DLGAP1: variants seen among roughly 807,000 people sequenced by gnomAD.
The protein encoded by DLGAP1 is disks large-associated protein 1.
A neutral mutation model predicts 90.8 loss-of-function variants in DLGAP1; 11 were observed. The ratio of observed to expected loss-of-function variants is 0.12; its 90% CI spans 0.08 to 0.20. The LOEUF is 0.20. Ranked by LOEUF, DLGAP1 falls within the 10% of genes least tolerant of loss-of-function variation. The probability of loss-of-function intolerance (pLI) is 1.00; values close to 1 mark genes in which losing one functional copy is unlikely to be tolerated. For missense variants in DLGAP1, 1,050 were observed against 1,333.8 expected (o/e 0.79, Z 3.31); for synonymous variants, 558 against 540.7 (o/e 1.03, Z -0.44).
chr18:3,799,637 C>T (rs1365996253), intron 5 of DLGAP1, among the ~76,000 whole-genome samples: 3 of 152,062 alleles, frequency 2.0e-5, no homozygotes, highest in South Asian at 2.1e-4. Context: ...GCTGTCTCCC[C>T]GCAATACTCA....
At chr18:3,856,644 G>A (rs916500484) in intron 4 of DLGAP1, among the ~76,000 whole-genome samples, 1 of 152,034 alleles carries the variant, frequency 6.6e-6, no homozygotes, top group Non-Finnish European at 1.5e-5. Flanking sequence ...GGCAGATCAC[G>A]AGGTCAGGAG....
At chr18:4,022,428 A>AC (rs2074628352) in intron 2 of DLGAP1, among the ~76,000 whole-genome samples, 6 of 149,360 alleles carry the variant, frequency 4.0e-5, no homozygotes, top group African/African-American at 1.5e-4. Context: ...CACACACCAC[A>AC]CACACACAGA....
At chr18:4,101,559 T>A (rs1365413670) in intron 2 of DLGAP1, among the ~76,000 whole-genome samples, 1 of 152,130 alleles carries the variant, frequency 6.6e-6, no homozygotes, top group East Asian at 1.9e-4. Context: ...TAGACTCGCA[T>A]AACGCAGGGT....
At chr18:4,270,170 T>C (rs775216394) in intron 1 of DLGAP1, among the ~76,000 whole-genome samples, 4 of 152,266 alleles carry the variant, frequency 2.6e-5, no homozygotes, top group Non-Finnish European at 5.9e-5. Context: ...ACTACTGCAC[T>C]GTGTCATCAC....
intron 1 of DLGAP1, among the ~76,000 whole-genome samples, chr18:4,238,174 G>C (rs1409583065): frequency 6.6e-6 from 1 of 152,120 alleles, no homozygotes; most frequent in African/African-American, 2.4e-5. Context: ...CTTCCTCTCT[G>C]TTTCATCAAT....
intron 1 of DLGAP1, among the ~76,000 whole-genome samples, chr18:4,155,355 C>T (rs918864551): frequency 6.6e-6 from 1 of 152,162 alleles, no homozygotes; most frequent in African/African-American, 2.4e-5. Context: ...GGGCACTCTA[C>T]GGTTCACACC....
At chr18:4,301,008 A>G (rs1028918213) in intron 1 of DLGAP1, among the ~76,000 whole-genome samples, 1 of 152,140 alleles carries the variant, frequency 6.6e-6, no homozygotes, top group South Asian at 2.1e-4. Flanking sequence ...AAATTGACAA[A>G]TTATAGTTGT....
At chr18:3,724,904 CAA>C (rs35207660) in intron 7 of DLGAP1, among the ~76,000 whole-genome samples, 62 of 132,206 alleles carry the variant, frequency 4.7e-4, no homozygotes, top group South Asian at 9.5e-4. Context: ...AACTCTGTCT[CAA>C]AAAAAAAAAA....
At chr18:3,838,053 G>C (rs2148613788) in intron 4 of DLGAP1, among the ~76,000 whole-genome samples, 1 of 152,080 alleles carries the variant, frequency 6.6e-6, no homozygotes, top group African/African-American at 2.4e-5. Context: ...CAACAATGGG[G>C]AGAAGAGAGA....
chr18:4,085,657 A>G (rs190056676), intron 2 of DLGAP1, among the ~76,000 whole-genome samples: 50 of 152,334 alleles, frequency 3.3e-4, no homozygotes, highest in African/African-American at 1.2e-3. Context: ...CTTCCAAATC[A>G]CAGGACTTCT....
At chr18:4,336,050 T>G (rs2143789312) in intron 1 of DLGAP1, among the ~76,000 whole-genome samples, 1 of 152,318 alleles carries the variant, frequency 6.6e-6, no homozygotes, top group African/African-American at 2.4e-5. Context: ...AGCAGCAAAA[T>G]GCACTATCAA....
chr18:4,216,102 T>C (rs1190981685), intron 1 of DLGAP1, among the ~76,000 whole-genome samples: 2 of 152,112 alleles, frequency 1.3e-5, no homozygotes, highest in Non-Finnish European at 2.9e-5. Context: ...CAGTTCAGCA[T>C]GGCTGGGAGG....
intron 2 of DLGAP1, among the ~76,000 whole-genome samples, chr18:4,102,383 T>C (rs1412352306): frequency 6.6e-6 from 1 of 152,196 alleles, no homozygotes; most frequent in Non-Finnish European, 1.5e-5. Flanking sequence ...AAGAGCCATA[T>C]TGGGTTTAGG....
At chr18:3,892,516 C>T (rs904199693) in intron 3 of DLGAP1, among the ~76,000 whole-genome samples, 13 of 152,128 alleles carry the variant, frequency 8.5e-5, no homozygotes, top group African/African-American at 2.4e-4. Flanking sequence ...CAAATATAGC[C>T]TCCTTCTTAA....
At chr18:4,090,031 G>C (rs750765541) in intron 2 of DLGAP1, among the ~76,000 whole-genome samples, 13 of 151,884 alleles carry the variant, frequency 8.6e-5, no homozygotes, top group Non-Finnish European at 1.8e-4. Flanking sequence ...GGTGATAGAG[G>C]GGGACTCCGT....
intron 2 of DLGAP1, among the ~76,000 whole-genome samples, chr18:4,051,809 T>C (rs971415275): frequency 3.9e-5 from 6 of 152,318 alleles, no homozygotes; most frequent in South Asian, 4.1e-4. Context: ...AGCAAGTTAG[T>C]TACTTCCTAG....
intron 2 of DLGAP1, among the ~76,000 whole-genome samples, chr18:4,008,238 C>T (rs1231511489): frequency 1.4e-4 from 21 of 151,712 alleles, no homozygotes; most frequent in Non-Finnish European, 7.4e-5. Context: ...CACACACACA[C>T]ACACACACAC....
intron 9 of DLGAP1, among the ~76,000 whole-genome samples, chr18:3,556,798 T>C (rs2053776691): frequency 6.6e-6 from 1 of 152,188 alleles, no homozygotes; most frequent in African/African-American, 2.4e-5. Context: ...CTGACTTGTA[T>C]GGTAAAGAAT....
chr18:3,879,514 C>T lies in DLGAP1; in HGVS notation c.555G>A (p.Lys185=), dbSNP rs756414913. The T allele has an allele frequency of 4.4e-6, 7 of 1,602,708 alleles. No individual in the cohort carries two copies. Among genetic ancestry groups the T allele is most frequent in the Non-Finnish European group, 5.9e-6 (7 of 1,179,468 alleles). Residue 185 remains lysine, a synonymous_variant, in exon 4 of 13, where the codon AAG becomes AAA. Transcript: ENST00000315677. This position sits in a 1 kb window ranked among gnomAD's most constrained non-coding sequence, Gnocchi z 6.6. ...AARYGKRSKS[K]ERRAEPKARP... is the part of the protein sequence containing the mutation. ...GGGCCTTGGGCTCCGCGCGCCGCTC[C>T]TTGCTCTTGCTGCGTTTGCCATAGC...
Sources: allele counts gnomAD v4.1 joint callset (sites outside exome capture counted in the v4.1 genomes callset), GRCh38; gene constraint gnomAD v4.1.1; non-coding constraint Gnocchi (gnomAD v3.1); transcripts MANE v1.5; gene names NCBI Gene and HGNC (gene_info 2026-07-23, HGNC 2026-07-21).